Variants in ARHGEF10 observed in about 807,000 individuals in gnomAD.
ARHGEF10 encodes the protein Rho guanine nucleotide exchange factor 10, also known as Rho guanine nucleotide exchange factor (GEF) 10.
A neutral mutation model predicts 147.4 loss-of-function variants in ARHGEF10; 140 were observed. The ratio of observed to expected loss-of-function variants is 0.95; its 90% CI spans 0.83 to 1.09. The LOEUF is 1.09. ARHGEF10 is among the 50% of genes least tolerant of loss of function. The pLI is 0.00. For synonymous variants in ARHGEF10, 902 were observed against 695.8 expected, an observed-to-expected ratio of 1.30 and a Z score of -4.67; for missense variants, 2,222 against 1,752.7, an observed-to-expected ratio of 1.27 and a Z score of -4.78.
At chr8:1,838,102 G>A (rs936344961) in intron 1 of ARHGEF10, among the ~76,000 whole-genome samples, 4 of 152,162 alleles carry the variant, frequency 2.6e-5, no homozygotes, top group Non-Finnish European at 5.9e-5. Context: ...GTTCCCCGAG[G>A]TCCTGGTGCA....
At chr8:1,837,120 G>T (rs1803630876) in intron 1 of ARHGEF10, among the ~76,000 whole-genome samples, 1 of 152,270 alleles carries the variant, frequency 6.6e-6, no homozygotes, top group Non-Finnish European at 1.5e-5. Flanking sequence ...ACACTAATTT[G>T]GAAGGAAATT....
At chr8:1,852,529 C>T (rs537819518) in intron 2 of ARHGEF10, among the ~76,000 whole-genome samples, 1 of 151,970 alleles carries the variant, frequency 6.6e-6, no homozygotes, top group East Asian at 1.9e-4. Flanking sequence ...CCCTCTAGAA[C>T]CTCTCCATCA....
At chr8:1,889,904 AACTT>A (rs1809302708) in intron 11 of ARHGEF10, among the ~76,000 whole-genome samples, 1 of 124,932 alleles carries the variant, frequency 8.0e-6, no homozygotes, top group African/African-American at 3.3e-5. Context: ...GCATGGGGTG[AACTT>A]TGTTAGGAGG....
At chr8:1,879,084 T>C (rs1422399914) in intron 8 of ARHGEF10, among the ~76,000 whole-genome samples, 2 of 152,200 alleles carry the variant, frequency 1.3e-5, no homozygotes, top group African/African-American at 2.4e-5. Flanking sequence ...AAAATAAAAC[T>C]ATATGTTGTT....
chr8:1,877,847 G>A lies in ARHGEF10; in HGVS notation c.843+1113G>A, dbSNP rs375699986. The stretch of plus-strand genomic sequence containing the variant: ...CGCAGTCCTTGTCTGAGGCTGGCGA[G>A]TCCCGTGTTACTGATAGAGATGGTG... On this transcript the variant is annotated intron_variant, in intron 8 of 28. Transcript: ENST00000349830. 1.9e-4 allele frequency among the ~76,000 whole-genome samples: 29 copies of A among 152,204 alleles called. No homozygotes were observed. In the South Asian group the frequency reaches 5.8e-3, roughly 31 times the overall value.
rs568470000 is a variant in ARHGEF10, at chr8:1,924,975, G to A, written c.2489-308G>A. On this transcript the variant is annotated intron_variant, in intron 21 of 28. Coordinates refer to ENST00000349830, the MANE Select transcript of ARHGEF10 (RefSeq NM_014629.4). ...TGGAAAAACTGGAGAAAGATAAAGG[G>A]AAGTGGACCTATGTGGTTTATACAG... 4.7e-4 allele frequency among the ~76,000 whole-genome samples: 71 copies of A among 152,318 alleles called. 1 individual carries two copies. Among genetic ancestry groups the A allele is most frequent in the African/African-American group, 1.6e-3 (68 of 41,568 alleles).
At chr8:1,865,879 C>T (rs73542446) in intron 5 of ARHGEF10, among the ~76,000 whole-genome samples, 5 of 152,192 alleles carry the variant, frequency 3.3e-5, no homozygotes, top group South Asian at 2.1e-4. Flanking sequence ...GGTGTCGGGA[C>T]GACTGATCCC....
intron 6 of ARHGEF10, 68 bp downstream of exon 6, chr8:1,866,670 G>A (rs1450918314): frequency 8.5e-6 from 12 of 1,417,920 alleles, no homozygotes; most frequent in East Asian, 4.5e-5. Flanking sequence ...CGGCGGGGCC[G>A]GGTCCCTGAG....
At chr8:1,884,126 G>C (rs1808444711) in intron 10 of ARHGEF10, among the ~76,000 whole-genome samples, 2 of 152,200 alleles carry the variant, frequency 1.3e-5, no homozygotes, top group Admixed American at 1.3e-4. Context: ...GGGCACGGTG[G>C]CTCATGCCTG....
At chr8:1,869,113 G>T (rs574685556) in intron 6 of ARHGEF10, 81 bp from the exon 7 acceptor site, 13 of 1,245,606 alleles carry the variant, frequency 1.0e-5, no homozygotes, top group Non-Finnish European at 1.5e-5. Flanking sequence ...TGACATCATC[G>T]GCGACTGTGG....
chr8:1,858,462 G>T (rs1211606553), intron 3 of ARHGEF10, among the ~76,000 whole-genome samples: 1 of 152,128 alleles, frequency 6.6e-6, no homozygotes, highest in Admixed American at 6.5e-5. Flanking sequence ...TCTTCTCTTT[G>T]TACTATTTTC....
chr8:1,830,396 G>C (rs1319539167), intron 1 of ARHGEF10, among the ~76,000 whole-genome samples: 1 of 152,224 alleles, frequency 6.6e-6, no homozygotes, highest in Non-Finnish European at 1.5e-5. Context: ...GCACCTTCTT[G>C]GTCCCTTGAG....
At chr8:1,910,360 C>A (rs902400253) in intron 18 of ARHGEF10, among the ~76,000 whole-genome samples, 1 of 152,190 alleles carries the variant, frequency 6.6e-6, no homozygotes, top group Non-Finnish European at 1.5e-5. Flanking sequence ...AGGTCTAATT[C>A]GCTTTGGGAC....
chr8:1,897,335 G>A (rs761243233), intron 14 of ARHGEF10, among the ~76,000 whole-genome samples: 3 of 152,166 alleles, frequency 2.0e-5, no homozygotes, highest in Non-Finnish European at 4.4e-5. Context: ...CTAAGGGATC[G>A]GATCGCAGTT....
At chr8:1,935,881 G>T (rs967949496) in intron 26 of ARHGEF10, among the ~76,000 whole-genome samples, 1 of 152,226 alleles carries the variant, frequency 6.6e-6, no homozygotes, top group Non-Finnish European at 1.5e-5. Context: ...GCCCATGGGG[G>T]CACGTGCAGG....
chr8:1,882,044 C>T (rs562403673), intron 9 of ARHGEF10, among the ~76,000 whole-genome samples: 2 of 152,322 alleles, frequency 1.3e-5, no homozygotes, highest in South Asian at 2.1e-4. Context: ...GAGCCCCAGG[C>T]CAGGGGGACA....
At chr8:1,918,505 T>TGTGTGTGTGTGTG (rs1554505892) in intron 18 of ARHGEF10, among the ~76,000 whole-genome samples, 7 of 148,814 alleles carry the variant, frequency 4.7e-5, no homozygotes, top group African/African-American at 1.7e-4. Context: ...TGTGTGTGTG[T>TGTGTGTGTGTGTG]TATTTTAAAA....
chr8:1,823,566 A>C (rs1585179633), upstream of ARHGEF10, among the ~76,000 whole-genome samples: 1 of 151,918 alleles, frequency 6.6e-6, no homozygotes, highest in East Asian at 1.9e-4. Context: ...ACCCTCCCCA[A>C]GGGGCGCAGC....
At chr8:1,839,339 A>AGGGACTGTCTGGTGTG (rs1803803208) in intron 1 of ARHGEF10, among the ~76,000 whole-genome samples, 1 of 34,168 alleles carries the variant, frequency 2.9e-5, no homozygotes, top group African/African-American at 1.2e-4. Context: ...TGTCTGGTGT[A>AGGGACTGTCTGGTGTG]GGGACTGTCT....
Sources: gnomAD v4.1 joint callset for allele counts (sites outside exome capture counted in the v4.1 genomes callset) on GRCh38, gnomAD v4.1.1 for gene constraint, MANE v1.5 for transcripts, NCBI Gene and HGNC (gene_info 2026-07-23, HGNC 2026-07-21) for gene names.